ADAP1: variants seen among roughly 807,000 people sequenced by gnomAD.
The protein encoded by ADAP1 is ArfGAP with dual PH domains 1, also known as arf-GAP with dual PH domain-containing protein 1.
A neutral mutation model predicts 54.9 loss-of-function variants in ADAP1; 31 were observed. That is an observed-to-expected ratio of 0.56 (90% CI 0.42 to 0.76). The LOEUF is 0.76. Among genes scored for constraint, ADAP1 ranks in the 30% least tolerant of loss-of-function variants. The pLI is 0.00. For missense variants in ADAP1, 535 were observed against 512.4 expected (o/e 1.04, Z -0.42); for synonymous variants, 313 against 202.6 (o/e 1.55, Z -4.63).
upstream of ADAP1, chr7:955,184 C>A: frequency 1.0e-6 from 1 of 973,548 alleles, no homozygotes; most frequent in Middle Eastern, 2.7e-4. Context: ...CGCCCACCAC[C>A]CACAGATGGG....
chr7:900,477 C>A (rs1411820894), intron 7 of ADAP1, 56 bp downstream of exon 7: 9 of 1,333,684 alleles, frequency 6.7e-6, no homozygotes, highest in Admixed American at 1.9e-5. Flanking sequence ...GCTCCGTCCA[C>A]CCCCCACCCC....
intron 2 of ADAP1, among the ~76,000 whole-genome samples, chr7:930,127 A>C (rs915920494): frequency 3.1e-4 from 44 of 142,054 alleles, no homozygotes; most frequent in Admixed American, 2.3e-3. Flanking sequence ...AAAAAAAAAA[A>C]CCCTCAGGCA....
intron 6 of ADAP1, 78 bp downstream of exon 6, chr7:904,048 A>T (rs74656328): frequency 1.3e-6 from 2 of 1,585,188 alleles, no homozygotes; most frequent in South Asian, 2.3e-5. Context: ...CCGTCCAAGC[A>T]CCCACCTTCC....
intron 4 of ADAP1, 105 bp from the exon 5 acceptor site, chr7:905,277 G>A: frequency 1.0e-5 from 4 of 393,058 alleles, no homozygotes; most frequent in Non-Finnish European, 1.7e-5. Flanking sequence ...AGACACGGGG[G>A]ACACGGACGG....
At chr7:925,061 C>T (rs75418879) in intron 3 of ADAP1, among the ~76,000 whole-genome samples, 3,309 of 152,108 alleles carry the variant, frequency 0.022, 91 homozygotes, top group East Asian at 0.12. Context: ...TCGGCCTTCT[C>T]AGTGGCGATG....
intron 2 of ADAP1, among the ~76,000 whole-genome samples, chr7:929,565 T>C (rs2128107434): frequency 6.7e-6 from 1 of 150,064 alleles, no homozygotes; most frequent in Non-Finnish European, 1.5e-5. Context: ...ATTCCATCTG[T>C]TTGAAATGTT....
intron 1 of ADAP1, among the ~76,000 whole-genome samples, chr7:952,129 C>T (rs570075589): frequency 2.0e-3 from 299 of 152,050 alleles, no homozygotes; most frequent in Non-Finnish European, 2.6e-3. Context: ...TGATGAGAGG[C>T]TCTCTGGGTG....
chr7:950,724 GCAGGCGC>G (rs1407709058), intron 1 of ADAP1, among the ~76,000 whole-genome samples: 2 of 151,852 alleles, frequency 1.3e-5, no homozygotes, highest in African/African-American at 4.8e-5. Context: ...GGGCGTGGTG[GCAGGCGC>G]CTGTAATCCC....
intron 1 of ADAP1, among the ~76,000 whole-genome samples, chr7:947,691 C>T (rs1031186322): frequency 2.0e-5 from 3 of 152,152 alleles, no homozygotes; most frequent in South Asian, 2.1e-4. Flanking sequence ...GCCTAGCCAC[C>T]GCCACCCGGC....
At chr7:951,863 G>A (rs1266948922) in intron 1 of ADAP1, among the ~76,000 whole-genome samples, 3 of 152,216 alleles carry the variant, frequency 2.0e-5, no homozygotes, top group South Asian at 4.1e-4. Context: ...AGGCTGGAGT[G>A]TGATCACGAC....
chr7:915,309 G>A (rs1266140337), intron 4 of ADAP1, among the ~76,000 whole-genome samples: 1 of 152,104 alleles, frequency 6.6e-6, no homozygotes, highest in African/African-American at 2.4e-5. Context: ...CGTGCCTCAT[G>A]CACACTGTGC....
At chr7:952,990 G>C (rs1562940210) in intron 1 of ADAP1, among the ~76,000 whole-genome samples, 1 of 152,136 alleles carries the variant, frequency 6.6e-6, no homozygotes, top group South Asian at 2.1e-4. Flanking sequence ...CTGGAGAGGG[G>C]CCCTGAGTCC....
intron 1 of ADAP1, among the ~76,000 whole-genome samples, chr7:949,666 G>A (rs927343225): frequency 1.3e-5 from 2 of 152,184 alleles, no homozygotes; most frequent in Non-Finnish European, 2.9e-5. Flanking sequence ...TTGGAGAGGG[G>A]GCCCAGTCTA....
rs933387126 is a variant in ADAP1 at position 945,732 on chromosome 7, C to G, written c.82+8664G>C. ...TGCCCACAGCCGCCAGCCTCTTTCC[C>G]TCCCTCCTCCCAGCCCCGCTCTGCC... is the stretch of plus-strand genomic sequence containing the variant. On this transcript the variant is annotated intron_variant, in intron 1 of 10. Coordinates refer to ENST00000265846, the MANE Select transcript of ADAP1 (RefSeq NM_006869.4). The surrounding 1 kb of genome is among the most constrained non-coding windows in gnomAD (Gnocchi z 4.2). The G allele has an allele frequency of 4.1e-6, 4 of 985,828 alleles. No homozygotes were observed. The highest frequency in any genetic ancestry group is 3.5e-5 in the African/African-American group (2 of 57,268). 61.1% of individuals were successfully genotyped at this position (985,828 alleles called of 1,614,324 possible).
In ADAP1 at chr7:921,938, C is replaced by T. The variant is rs1846205772; in HGVS notation, c.306-1888G>A. Among the ~76,000 whole-genome samples, 3 of 152,184 alleles carry T rather than the reference C, an allele frequency of 2.0e-5. No individual in the cohort carries two copies. In the South Asian group the frequency reaches 6.2e-4, roughly 31 times the overall value. On this transcript the variant is annotated intron_variant, in intron 3 of 10. Coordinates refer to ENST00000265846, the MANE Select transcript of ADAP1 (RefSeq NM_006869.4). ...GCCCTGCCCTGGTGCAGAATGGGCC[C>T]CCAAGGCTCACACCCGCACACAAGG...
chr7:900,645 G>A (rs763929650), intron 6 of ADAP1, 29 bp from the exon 7 acceptor site: 15 of 1,537,164 alleles, frequency 9.8e-6, no homozygotes, highest in African/African-American at 1.5e-5. Flanking sequence ...ACAGGCTTGG[G>A]CTGAGGAGGC....
intron 1 of ADAP1, among the ~76,000 whole-genome samples, chr7:953,007 G>A (rs1159869923): frequency 6.6e-6 from 1 of 152,168 alleles, no homozygotes; most frequent in East Asian, 1.9e-4. Context: ...GTCCAGAGAA[G>A]CTGCTCCCAG....
At chr7:944,150 C>T (rs577620529) in intron 1 of ADAP1, among the ~76,000 whole-genome samples, 31 of 152,070 alleles carry the variant, frequency 2.0e-4, no homozygotes, top group Non-Finnish European at 4.0e-4. Context: ...CTTCTGGGCT[C>T]AAGCAGTCCT....
chr7:919,872 G>A, intron 4 of ADAP1, 96 bp downstream of exon 4: 2 of 543,120 alleles, frequency 3.7e-6, no homozygotes, highest in Non-Finnish European at 5.8e-6. Context: ...GGGAGGGAGG[G>A]AAAGAGATGG....
Sources: allele counts gnomAD v4.1 joint callset (sites outside exome capture counted in the v4.1 genomes callset), GRCh38; gene constraint gnomAD v4.1.1; non-coding constraint Gnocchi (gnomAD v3.1); transcripts MANE v1.5; gene names NCBI Gene and HGNC (gene_info 2026-07-23, HGNC 2026-07-21).